Variants in FKBP15 observed in about 807,000 individuals in gnomAD.
The protein encoded by FKBP15 is FKBP prolyl isomerase family member 15, also known as FK506-binding protein 15.
A neutral mutation model predicts 158.1 loss-of-function variants in FKBP15; 106 were observed. The ratio of observed to expected loss-of-function variants is 0.67; its 90% CI spans 0.57 to 0.79. The LOEUF (loss-of-function observed/expected upper bound fraction) is 0.79. FKBP15 is among the 30% of genes least tolerant of loss of function. FKBP15 has a pLI of 0.00. For missense variants in FKBP15, 1,287 were observed against 1,479.1 expected (o/e 0.87, Z 2.13); for synonymous variants, 547 against 548.6 (o/e 1.00, Z 0.04).
rs1418288662 is a variant in FKBP15 at position 113,174,514 on chromosome 9, G to A, written c.2293C>T (p.Arg765Cys). Residue 765 changes from arginine to cysteine, a missense_variant, in exon 22 of 28, where the codon CGC (arginine) becomes TGC (cysteine). Transcript: ENST00000238256. The stretch of plus-strand genomic sequence containing the variant: ...TCCAATTCCTCCTGGTATGACTTGC[G>A]AATTTCATCTATCTCCTCCTCGGCC... ...SQAEEEIDEI[R>C]KSYQEELDKL... 2.5e-6 allele frequency: 4 copies of A among 1,613,944 alleles called. No homozygotes were observed. Among genetic ancestry groups the A allele is most frequent in the African/African-American group, 1.3e-5 (1 of 75,034 alleles).
chr9:113,168,973 CCCACCACA>C (rs1830148062), intron 26 of FKBP15, among the ~76,000 whole-genome samples: 1 of 152,124 alleles, frequency 6.6e-6, no homozygotes, highest in East Asian at 1.9e-4. Flanking sequence ...TATCACAGGG[CCCACCACA>C]CTACCACAGT....
In FKBP15 at chr9:113,161,853, C is replaced by A; in HGVS notation, c.*4225G>T. ...AAGTGGCTACACATAGCCAAGTGAACTAGAGCTCATGTCTCCTGATGCCCA... is the reference window on the plus strand; with the variant it reads ...AAGTGGCTACACATAGCCAAGTGAAATAGAGCTCATGTCTCCTGATGCCCA... On this transcript the variant is annotated 3_prime_UTR_variant, in exon 28 of 28. Transcript: ENST00000238256. The A allele has an allele frequency of 1.3e-6, 1 of 798,732 alleles. No individual in the cohort carries two copies. Among genetic ancestry groups the A allele is most frequent in the Non-Finnish European group, 2.1e-6 (1 of 472,776 alleles). The allele number at this position is 798,732 out of a possible 1,614,324, so 49.5% of individuals were successfully genotyped here.
chr9:113,213,410 C>CA (rs61181107), intron 1 of FKBP15, among the ~76,000 whole-genome samples: 20,616 of 136,012 alleles, frequency 0.15, 1,686 homozygotes, highest in East Asian at 0.34. Context: ...ACTCCGTCTC[C>CA]AAAAAAAAAA....
At chr9:113,201,195 G>C (rs1371889376) in intron 6 of FKBP15, among the ~76,000 whole-genome samples, 1 of 151,404 alleles carries the variant, frequency 6.6e-6, no homozygotes, top group Non-Finnish European at 1.5e-5. Context: ...ATATAAATGT[G>C]AAATAGTACA....
chr9:113,181,791 A>G (rs1830401994), intron 19 of FKBP15, among the ~76,000 whole-genome samples: 1 of 152,200 alleles, frequency 6.6e-6, no homozygotes, highest in Non-Finnish European at 1.5e-5. Flanking sequence ...AAAGTAGAGG[A>G]AGGAGAAATA....
chr9:113,188,560 T>A, intron 12 of FKBP15, 69 bp from the exon 13 acceptor site: 1 of 1,297,120 alleles, frequency 7.7e-7, no homozygotes, highest in Non-Finnish European at 1.1e-6. Flanking sequence ...GCTGACTGTC[T>A]GCCCTAAACC....
At chr9:113,191,180 TAC>T (rs1379015862) in intron 11 of FKBP15, among the ~76,000 whole-genome samples, 1 of 147,956 alleles carries the variant, frequency 6.8e-6, no homozygotes, top group East Asian at 2.0e-4. Context: ...TTATTATTAT[TAC>T]TTTTTTTTTT....
chr9:113,176,459 T>C, intron 21 of FKBP15, 78 bp downstream of exon 21: 2 of 1,425,406 alleles, frequency 1.4e-6, no homozygotes, highest in East Asian at 2.5e-5. Context: ...AATAAGCACA[T>C]ACTATTGTAA....
Position 113,186,428 on chromosome 9 carries a change from T to G in FKBP15, c.1384-65A>C, listed in dbSNP as rs1005142447. The G allele has an allele frequency of 5.0e-5, 61 of 1,227,070 alleles. No homozygotes were observed. In the African/African-American group the frequency reaches 8.6e-4, roughly 17 times the overall value. The allele number at this position is 1,227,070 out of a possible 1,614,324, so 76.0% of individuals were successfully genotyped here. On this transcript the variant is annotated intron_variant, in intron 14 of 27. Transcript: ENST00000238256. ...CATGTCTTTCTTTTTTGTTCACATT[T>G]TTCTTTGGTGGAATAAAGTGGATGA... is the stretch of plus-strand genomic sequence containing the variant.
rs2118889314 is a variant in FKBP15 at position 113,184,657 on chromosome 9, C to T, written c.1608+38G>A. On this transcript the variant is annotated intron_variant, in intron 16 of 27. Transcript: ENST00000238256. This position sits in a 1 kb window ranked among gnomAD's most constrained non-coding sequence, Gnocchi z 4.5. ...AGTTCTGGCTGCTCCCTGTTTACAT[C>T]CCCACTTTCAACATCACCCCAACTC... The T allele has an allele frequency of 3.3e-6, 5 of 1,511,956 alleles. No individual in the cohort carries two copies. The highest frequency in any genetic ancestry group is 4.7e-5 in the East Asian group (2 of 42,896). The allele number at this position is 1,511,956 out of a possible 1,614,324, so 93.7% of individuals were successfully genotyped here. A position where few individuals can be genotyped will look rare whatever the true frequency, so the allele number is the denominator to read the frequency against.
intron 5 of FKBP15, 147 bp from the exon 6 acceptor site, chr9:113,202,776 G>C (rs140567485): frequency 3.8e-6 from 3 of 789,762 alleles, no homozygotes; most frequent in Non-Finnish European, 2.1e-6. Context: ...CACCCTCTAC[G>C]ATTCACCCTT....
intron 4 of FKBP15, 102 bp downstream of exon 4, chr9:113,206,407 T>A: frequency 5.8e-6 from 5 of 866,992 alleles, no homozygotes; most frequent in Admixed American, 2.0e-5. Context: ...ATAATCATCC[T>A]TATCTTCTGA....
At position 113,199,961 on chromosome 9, in the gene FKBP15, C is replaced by T; in HGVS notation, c.501G>A (p.Val167=). Residue 167 remains valine, a splice_region_variant and synonymous_variant, in exon 7 of 28, where the codon GTG becomes GTA. Coordinates refer to ENST00000238256, the MANE Select transcript of FKBP15 (RefSeq NM_015258.2). The part of the protein sequence containing the change: ...EKAAVEFNKQ[V]CIAKCNSTSS... ...AGGTACTGTTGCACTTAGCAATGCA[C>T]ACCTGCAAGACAAAATCAAAGCAGC... 1.2e-6 allele frequency: 2 copies of T among 1,610,370 alleles called. No individual in the cohort carries two copies. Among genetic ancestry groups the T allele is most frequent in the Non-Finnish European group, 1.7e-6 (2 of 1,178,498 alleles).
At chr9:113,193,102 G>A (rs1433238902) in intron 11 of FKBP15, among the ~76,000 whole-genome samples, 1 of 152,148 alleles carries the variant, frequency 6.6e-6, no homozygotes, top group Non-Finnish European at 1.5e-5. Context: ...TAATGAAGAA[G>A]CTGAGGATCA....
chr9:113,188,534 C>G, intron 12 of FKBP15, 43 bp from the exon 13 acceptor site: 1 of 1,520,642 alleles, frequency 6.6e-7, no homozygotes, highest in Non-Finnish European at 9.1e-7. Context: ...TACGGGGTCC[C>G]TCATTGAAGA....
At chr9:113,185,360 A>G (rs981505025) in intron 15 of FKBP15, among the ~76,000 whole-genome samples, 2 of 75,752 alleles carry the variant, frequency 2.6e-5, no homozygotes, top group Non-Finnish European at 6.4e-5. Context: ...AAAGAGGGAC[A>G]GAGAATAGTC....
At chr9:113,191,211 C>T (rs995763802) in intron 11 of FKBP15, among the ~76,000 whole-genome samples, 12 of 151,102 alleles carry the variant, frequency 7.9e-5, no homozygotes, top group African/African-American at 2.7e-4. Flanking sequence ...GGTTCTCTAT[C>T]ACCCAGGTTG....
intron 19 of FKBP15, among the ~76,000 whole-genome samples, chr9:113,179,014 C>T (rs1830345609): frequency 6.6e-6 from 1 of 152,014 alleles, no homozygotes; most frequent in South Asian, 2.1e-4. Flanking sequence ...TACTATTATA[C>T]CTATACCAGT....
At position 113,194,136 on chromosome 9, in the gene FKBP15, G is replaced by A; in HGVS notation, c.898C>T (p.His300Tyr). ...GCAGAATCGCGGGAACTAACACTGT[G>A]ACCATCAGAGCCAGAATCTCTGGCA... ...KFARDSGSDGHSVSSRDSAAP... is the reference protein window; with the variant it reads ...KFARDSGSDGYSVSSRDSAAP... Residue 300 changes from histidine (H) to tyrosine (Y), a missense_variant, in exon 10 of 28, where the codon CAC (histidine) becomes TAC (tyrosine). Transcript: ENST00000238256. 2 of 1,612,348 alleles carry A rather than the reference G, an allele frequency of 1.2e-6. No individual in the cohort carries two copies. Among genetic ancestry groups the A allele is most frequent in the Non-Finnish European group, 1.7e-6 (2 of 1,178,944 alleles).
Sources: gnomAD v4.1 joint callset for allele counts (sites outside exome capture counted in the v4.1 genomes callset) on GRCh38, gnomAD v4.1.1 for gene constraint, Gnocchi (gnomAD v3.1) non-coding constraint, MANE v1.5 for transcripts, NCBI Gene and HGNC (gene_info 2026-07-23, HGNC 2026-07-21) for gene names.